The following SCRG1 variants were observed in gnomAD, a reference collection of about 807,000 sequenced individuals.
The protein encoded by SCRG1 is stimulator of chondrogenesis 1, also known as scrapie-responsive protein 1.
A neutral mutation model predicts 7.7 loss-of-function variants in SCRG1; 3 were observed. The ratio of observed to expected loss-of-function variants is 0.39; its 90% CI spans 0.18 to 1.01. The LOEUF (loss-of-function observed/expected upper bound fraction) is 1.01, where lower values mean the gene tolerates loss of function less well. Among genes scored for constraint, SCRG1 ranks in the 50% least tolerant of loss-of-function variants. The pLI is 0.36. For missense variants in SCRG1, 110 were observed against 117.2 expected (o/e 0.94, Z 0.28); for synonymous variants, 46 against 41.2 (o/e 1.12, Z -0.44).
chr4:173,472,286 A>G, the SCRG1 span, among the ~76,000 whole-genome samples: 11 of 152,248 alleles, frequency 7.2e-5, no homozygotes, highest in Non-Finnish European at 1.5e-4. Flanking sequence ...TCTCCAGTAT[A>G]TAACTTTACA....
the SCRG1 span, among the ~76,000 whole-genome samples, chr4:173,457,819 C>T: frequency 6.6e-6 from 1 of 152,160 alleles, no homozygotes; most frequent in African/African-American, 2.4e-5. Flanking sequence ...TGCTGCTCAT[C>T]CTGTAGTGGT....
At chr4:173,487,658 T>C in the SCRG1 span, among the ~76,000 whole-genome samples, 2 of 152,276 alleles carry the variant, frequency 1.3e-5, no homozygotes, top group African/African-American at 4.8e-5. Context: ...AGATGTGAAA[T>C]ACATTAGAAT....
At chr4:173,405,356 C>T (rs1050793872) in intron 1 of SCRG1, among the ~76,000 whole-genome samples, 8 of 152,188 alleles carry the variant, frequency 5.3e-5, no homozygotes, top group Admixed American at 1.3e-4. Context: ...AGGTCAGGAA[C>T]GTGACTTATC....
At chr4:173,496,161 T>C in the SCRG1 span, among the ~76,000 whole-genome samples, 1 of 152,154 alleles carries the variant, frequency 6.6e-6, no homozygotes, top group Non-Finnish European at 1.5e-5. Flanking sequence ...GGGGAATGAA[T>C]GAAAGATTTT....
the SCRG1 span, among the ~76,000 whole-genome samples, chr4:173,486,457 A>G: frequency 6.6e-6 from 1 of 152,114 alleles, no homozygotes; most frequent in East Asian, 1.9e-4. Context: ...TTCATCATCT[A>G]GAATGTTAAC....
the SCRG1 span, among the ~76,000 whole-genome samples, chr4:173,485,016 A>AATATATT: frequency 5.6e-4 from 16 of 28,796 alleles, no homozygotes; most frequent in African/African-American, 2.0e-3. Flanking sequence ...TATAATATAT[A>AATATATT]ATATATAATA....
chr4:173,409,836 G>A (rs755859233), upstream of SCRG1, among the ~76,000 whole-genome samples: 5 of 151,974 alleles, frequency 3.3e-5, no homozygotes, highest in African/African-American at 4.8e-5. Context: ...TGATCCGTCC[G>A]CCTCGGCCTC....
At chr4:173,505,911 C>A in the SCRG1 span, among the ~76,000 whole-genome samples, 1 of 152,188 alleles carries the variant, frequency 6.6e-6, no homozygotes. The surrounding 1 kb of genome is among the most constrained non-coding windows in gnomAD (Gnocchi z 4.4). Context: ...CTTCTGCTCA[C>A]GAAATAAACC....
At chr4:173,490,827 A>G in the SCRG1 span, among the ~76,000 whole-genome samples, 1 of 152,168 alleles carries the variant, frequency 6.6e-6, no homozygotes, top group East Asian at 1.9e-4. Context: ...ATTGCCCTGG[A>G]CTAAAGTTTT....
At chr4:173,517,731 AT>A in the SCRG1 span, among the ~76,000 whole-genome samples, 1 of 152,178 alleles carries the variant, frequency 6.6e-6, no homozygotes, top group Non-Finnish European at 1.5e-5. Flanking sequence ...TGATTTTCTG[AT>A]TTTACCGGAG....
At chr4:173,391,578 G>T in intron 1 of SCRG1, 150 bp from the exon 2 acceptor site, 1 of 773,574 alleles carries the variant, frequency 1.3e-6, no homozygotes, top group Non-Finnish European at 2.1e-6. Flanking sequence ...TTCTCAAAGT[G>T]TAGTTTTATG....
At chr4:173,506,620 G>C in the SCRG1 span, among the ~76,000 whole-genome samples, 1 of 152,192 alleles carries the variant, frequency 6.6e-6, no homozygotes, top group Non-Finnish European at 1.5e-5. The surrounding 1 kb of genome is among the most constrained non-coding windows in gnomAD (Gnocchi z 5.3). Flanking sequence ...TGAGGGTAGG[G>C]GCGGGCAGAT....
chr4:173,502,396 G>A, the SCRG1 span, among the ~76,000 whole-genome samples: 1 of 152,202 alleles, frequency 6.6e-6, no homozygotes, highest in African/African-American at 2.4e-5. The surrounding 1 kb of genome is among the most constrained non-coding windows in gnomAD (Gnocchi z 4.6). Flanking sequence ...GTGTTGAGGT[G>A]TGAGAAACAG....
the SCRG1 span, among the ~76,000 whole-genome samples, chr4:173,508,184 G>T: frequency 6.6e-6 from 1 of 152,334 alleles, no homozygotes; most frequent in East Asian, 1.9e-4. This position sits in a 1 kb window ranked among gnomAD's most constrained non-coding sequence, Gnocchi z 4.4. Flanking sequence ...CCGCCTAAAT[G>T]TACAGAGCAA....
intron 1 of SCRG1, chr4:173,404,581 G>C (rs1314182256): frequency 1.3e-5 from 2 of 152,210 alleles, no homozygotes; most frequent in Non-Finnish European, 2.9e-5. Flanking sequence ...GAGGGGATTA[G>C]ATTCTTGGGT....
At chr4:173,397,639 A>G (rs1346304746) in intron 1 of SCRG1, among the ~76,000 whole-genome samples, 1 of 152,204 alleles carries the variant, frequency 6.6e-6, no homozygotes, top group Non-Finnish European at 1.5e-5. Flanking sequence ...GCAAATTTTG[A>G]TTCTGTCTGA....
At chr4:173,483,262 T>C in the SCRG1 span, among the ~76,000 whole-genome samples, 1 of 71,124 alleles carries the variant, frequency 1.4e-5, no homozygotes, top group Non-Finnish European at 2.5e-5. Context: ...ATATGATATA[T>C]CATATATGAT....
At chr4:173,423,824 G>A in the SCRG1 span, among the ~76,000 whole-genome samples, 1 of 152,146 alleles carries the variant, frequency 6.6e-6, no homozygotes, top group Non-Finnish European at 1.5e-5. Context: ...TCTGGAGTCA[G>A]GGAAGTCCAA....
chr4:173,447,631 A>T, the SCRG1 span, among the ~76,000 whole-genome samples: 1 of 152,244 alleles, frequency 6.6e-6, no homozygotes, highest in African/African-American at 2.4e-5. Flanking sequence ...AATAGCTTCA[A>T]TTATCTGAAC....
Sources: gnomAD v4.1 joint callset for allele counts (sites outside exome capture counted in the v4.1 genomes callset) on GRCh38, gnomAD v4.1.1 for gene constraint, Gnocchi (gnomAD v3.1) non-coding constraint, MANE v1.5 for transcripts, NCBI Gene and HGNC (gene_info 2026-07-23, HGNC 2026-07-21) for gene names.